The following ECD variants were observed in gnomAD, a reference collection of about 807,000 sequenced individuals.
ECD encodes ecdysoneless cell cycle regulator.
In ECD, 59 loss-of-function variants were observed where a neutral mutation model predicts 77.2. The ratio of observed to expected loss-of-function variants is 0.76; its 90% confidence interval spans 0.62 to 0.95. The LOEUF (loss-of-function observed/expected upper bound fraction) is 0.95, where lower values mean the gene tolerates loss of function less well. ECD is among the 40% of genes least tolerant of loss of function. The probability of loss-of-function intolerance (pLI) is 0.00; values close to 1 mark genes in which losing one functional copy is unlikely to be tolerated. For synonymous variants in ECD, 233 were observed against 267.4 expected, an observed-to-expected ratio of 0.87 and a Z score of 1.26; for missense variants, 704 against 763.4, an observed-to-expected ratio of 0.92 and a Z score of 0.92.
At chr10:73,157,918 A>G (rs1251304847) in intron 3 of ECD, among the ~76,000 whole-genome samples, 1 of 151,622 alleles carries the variant, frequency 6.6e-6, no homozygotes, top group South Asian at 2.1e-4. Flanking sequence ...ACTGTTATAT[A>G]TCGTTCTAGC....
chr10:73,145,959 A>G (rs1042485588), intron 9 of ECD, among the ~76,000 whole-genome samples: 8 of 151,946 alleles, frequency 5.3e-5, no homozygotes, highest in African/African-American at 1.7e-4. Context: ...TGCAGCTTTT[A>G]AAAATTATGT....
chr10:73,154,417 G>C lies in ECD; in HGVS notation c.622C>G (p.Arg208Gly), dbSNP rs1003977371. 5.6e-6 allele frequency: 9 copies of C among 1,611,690 alleles called. No homozygotes were observed. In the South Asian group the frequency reaches 7.7e-5, roughly 14 times the overall value. ...CCAGCTGGAAGGAAGCAGTGTGCTC[G>C]ATGAAGTGAGGCCTGAATTTTTTCT... ...YPEKIQASLH[R>G]AHCFLPAGIV... The change falls in exon 6 of 14, where the codon CGA (arginine) becomes GGA (glycine). Residue 208 changes from arginine to glycine, a missense_variant. This residue lies in a region of ECD where 559 missense variants were observed against 583.7 expected (regional missense o/e 0.96). Coordinates refer to ENST00000372979, the MANE Select transcript of ECD (RefSeq NM_007265.3).
intron 3 of ECD, among the ~76,000 whole-genome samples, chr10:73,160,022 C>T (rs1017442742): frequency 3.3e-5 from 5 of 151,592 alleles, no homozygotes; most frequent in Non-Finnish European, 7.4e-5. Context: ...CGGTGGCTTA[C>T]GCCTGTATTC....
At position 73,148,399 on chromosome 10, in the gene ECD, A is replaced by G; in HGVS notation, c.918T>C (p.His306=). ...ATTTGGAGCATAAGATCTCAAATCC[A>G]TGAGCCTAGATGAGATAGGTAGAAT... is the stretch of plus-strand genomic sequence containing the variant. ...RAHELGMKLA[H]GFEILCSKCS... is the part of the protein sequence containing the mutation. Residue 306 remains histidine, a synonymous_variant, in exon 8 of 14, where the codon CAT becomes CAC. Coordinates refer to ENST00000372979, the MANE Select transcript of ECD (RefSeq NM_007265.3). The G allele has an allele frequency of 6.2e-7, 1 of 1,611,130 alleles. No homozygotes were observed.
At chr10:73,166,531 T>C (rs1425884180) in intron 1 of ECD, among the ~76,000 whole-genome samples, 5 of 152,250 alleles carry the variant, frequency 3.3e-5, no homozygotes, top group African/African-American at 4.8e-5. Flanking sequence ...TGCTATCTTA[T>C]TGTAGTTTTG....
rs140759923 is a variant in ECD at position 73,164,920 on chromosome 10, G to A, written c.-13-970C>T. ...TTACTTTTTATATTTTTCCTATTTT[G>A]GAAGTGAAGAATGAAATTTTTAATG... On this transcript the variant is annotated intron_variant, in intron 1 of 13. Transcript: ENST00000372979. 2.6e-3 allele frequency among the ~76,000 whole-genome samples: 394 copies of A among 152,172 alleles called. 3 individuals carry two copies. Among genetic ancestry groups the A allele is most frequent in the African/African-American group, 9.0e-3 (374 of 41,506 alleles).
chr10:73,154,915 CAA>C (rs1387241054), intron 5 of ECD, among the ~76,000 whole-genome samples: 1 of 151,798 alleles, frequency 6.6e-6, no homozygotes, highest in Non-Finnish European at 1.5e-5. Context: ...GCCTGGGCGA[CAA>C]GAGCAAAACT....
At chr10:73,144,604 G>T (rs568074757) in intron 9 of ECD, among the ~76,000 whole-genome samples, 1 of 152,216 alleles carries the variant, frequency 6.6e-6, no homozygotes, top group East Asian at 1.9e-4. Flanking sequence ...TAAATAGAAG[G>T]AATAAGAGCT....
chr10:73,152,104 A>G (rs1843217669), intron 7 of ECD, among the ~76,000 whole-genome samples, 189 bp downstream of exon 7: 1 of 152,176 alleles, frequency 6.6e-6, no homozygotes, highest in Admixed American at 6.5e-5. Context: ...AATTTTTCAG[A>G]TGACTTCAGA....
intron 9 of ECD, among the ~76,000 whole-genome samples, chr10:73,141,877 A>G (rs1385523312): frequency 2.0e-5 from 3 of 152,346 alleles, no homozygotes; most frequent in East Asian, 1.9e-4. Flanking sequence ...TAGTTCAGAC[A>G]GGGTGCCATC....
At chr10:73,144,902 T>C (rs1304476223) in intron 9 of ECD, among the ~76,000 whole-genome samples, 2 of 152,090 alleles carry the variant, frequency 1.3e-5, no homozygotes, top group African/African-American at 4.8e-5. Flanking sequence ...AAAAATGGAA[T>C]AACTAAAAAT....
At chr10:73,144,859 T>C (rs1843103422) in intron 9 of ECD, among the ~76,000 whole-genome samples, 1 of 152,114 alleles carries the variant, frequency 6.6e-6, no homozygotes, top group Non-Finnish European at 1.5e-5. Flanking sequence ...CTACAGTTAA[T>C]AATAATTTAT....
At chr10:73,156,707 T>C (rs767986981) in intron 3 of ECD, 52 bp from the exon 4 acceptor site, 1 of 1,481,174 alleles carries the variant, frequency 6.8e-7, no homozygotes, top group Admixed American at 1.7e-5. Flanking sequence ...TATCTGCTAG[T>C]AACCAAAACA....
At chr10:73,163,461 G>T (rs933695066) in intron 2 of ECD, among the ~76,000 whole-genome samples, 13 of 152,242 alleles carry the variant, frequency 8.5e-5, no homozygotes, top group African/African-American at 3.1e-4. Flanking sequence ...ATGGCATAGT[G>T]TAGTAACTAA....
At chr10:73,153,848 G>C (rs544608951) in intron 6 of ECD, among the ~76,000 whole-genome samples, 5 of 151,940 alleles carry the variant, frequency 3.3e-5, no homozygotes, top group Non-Finnish European at 5.9e-5. Context: ...CCTTCACTGG[G>C]TGCAAGAAAA....
chr10:73,159,412 C>A (rs1232228347), intron 3 of ECD, among the ~76,000 whole-genome samples: 1 of 152,134 alleles, frequency 6.6e-6, no homozygotes. Flanking sequence ...TTTAAAAATA[C>A]GTGAAATATG....
intron 7 of ECD, 114 bp from the exon 8 acceptor site, chr10:73,148,518 T>G (rs948264852): frequency 1.8e-6 from 2 of 1,127,920 alleles, no homozygotes; most frequent in Non-Finnish European, 2.4e-6. Flanking sequence ...ACTGGATACA[T>G]GGGCATTTGG....
intron 2 of ECD, among the ~76,000 whole-genome samples, chr10:73,162,803 C>T (rs1473784175): frequency 6.6e-6 from 1 of 152,106 alleles, no homozygotes; most frequent in African/African-American, 2.4e-5. Flanking sequence ...AGTTCCCCAC[C>T]AGACTACTTA....
chr10:73,149,879 A>G (rs1216158070), intron 7 of ECD, among the ~76,000 whole-genome samples: 1 of 152,182 alleles, frequency 6.6e-6, no homozygotes, highest in African/African-American at 2.4e-5. Flanking sequence ...GCCGTTTGAT[A>G]CTTGCTAATA....
Sources: gnomAD v4.1 joint callset for allele counts (sites outside exome capture counted in the v4.1 genomes callset) on GRCh38, gnomAD v4.1.1 for gene constraint, gnomAD v4.1.1 regional missense constraint, MANE v1.5 for transcripts, NCBI Gene and HGNC (gene_info 2026-07-23, HGNC 2026-07-21) for gene names.